SFMBT2: variants seen among roughly 807,000 people sequenced by gnomAD.
SFMBT2 encodes the protein scm-like with four MBT domains protein 2.
A neutral mutation model predicts 110.1 loss-of-function variants in SFMBT2; 38 were observed. That is an observed-to-expected ratio of 0.35 (90% CI 0.27 to 0.45). The LOEUF is 0.45. SFMBT2 is among the 20% of genes least tolerant of loss of function. The pLI, the probability that SFMBT2 is intolerant of heterozygous loss-of-function variation, is 1.00. For synonymous variants in SFMBT2, 425 were observed against 425.4 expected (o/e 1.00, Z 0.01); for missense variants, 1,011 against 1,094.9 (o/e 0.92, Z 1.08).
In SFMBT2 at chr10:7,234,086, T is replaced by C. The variant is rs145331901; in HGVS notation, c.1121-6149A>G. ...AACCTCCCTCTTGAAATCTTCTAGC[T>C]ACCTCCACAGTCTTGGGTGATGTTC... is the stretch of plus-strand genomic sequence containing the variant. On this transcript the variant is annotated intron_variant, in intron 9 of 20. Coordinates refer to ENST00000397167, the MANE Select transcript of SFMBT2 (RefSeq NM_001387889.1). Among the ~76,000 whole-genome samples, 145 of 152,362 alleles carry C rather than the reference T, an allele frequency of 9.5e-4. 1 individual carries two copies. The Middle Eastern group carries it at 0.014, about 14-fold the overall frequency.
At chr10:7,393,027 AT>A (rs1845822630) in intron 1 of SFMBT2, among the ~76,000 whole-genome samples, 80 of 52,470 alleles carry the variant, frequency 1.5e-3, no homozygotes, top group African/African-American at 8.8e-3. Context: ...ATATATATAT[AT>A]ATATATAATT....
chr10:7,364,197 T>G (rs923142331), intron 4 of SFMBT2, among the ~76,000 whole-genome samples: 5 of 152,246 alleles, frequency 3.3e-5, no homozygotes, highest in African/African-American at 1.2e-4. Context: ...TATTAAAGAT[T>G]TCCAAGTCAT....
intron 1 of SFMBT2, among the ~76,000 whole-genome samples, chr10:7,385,799 A>AGC: frequency 6.6e-6 from 1 of 152,200 alleles, no homozygotes; most frequent in East Asian, 1.9e-4. Context: ...GGAGATCAAG[A>AGC]CCATCCTGGC....
chr10:7,332,597 G>T lies in SFMBT2; in HGVS notation c.436+35052C>A, dbSNP rs190462248. Among the ~76,000 whole-genome samples, 7 of 152,202 alleles carry T rather than the reference G, an allele frequency of 4.6e-5. No individual in the cohort carries two copies. The East Asian group carries it at 1.3e-3, about 29-fold the overall frequency. On this transcript the variant is annotated intron_variant, in intron 4 of 20. Transcript: ENST00000397167. ...CCTCCCCGACCCAGCTTATAAAAAT[G>T]CTTTTTATTAAAACAAGCCAAAGTG...
chr10:7,395,769 G>A (rs1414925481), intron 1 of SFMBT2, among the ~76,000 whole-genome samples: 1 of 147,678 alleles, frequency 6.8e-6, no homozygotes, highest in African/African-American at 2.5e-5. Context: ...TTATGTGGAT[G>A]TAAAATTTTC....
intron 4 of SFMBT2, among the ~76,000 whole-genome samples, chr10:7,363,982 T>G (rs528175123): frequency 1.3e-5 from 2 of 152,156 alleles, no homozygotes; most frequent in South Asian, 4.2e-4. Context: ...ATCGACCAGG[T>G]ATGGTTGCAG....
rs542313498 is a variant in SFMBT2, at chr10:7,351,878, A to T, written c.436+15771T>A. ...TTAAAGCCTCTTACCTGTAAAAAAA[A>T]AAATATATATATATATATCTGATGA... On this transcript the variant is annotated intron_variant, in intron 4 of 20. Transcript: ENST00000397167. Among the ~76,000 whole-genome samples, 972 of 149,238 alleles carry T rather than the reference A, an allele frequency of 6.5e-3. 10 individuals carry two copies. Among genetic ancestry groups the T allele is most frequent in the African/African-American group, 0.023 (928 of 39,712 alleles).
At position 7,172,780 on chromosome 10, in the gene SFMBT2, G is replaced by A. The variant is rs79517215; in HGVS notation, c.1985-119C>T. 3.9e-3 allele frequency: 4,908 copies of A among 1,266,084 alleles called. 166 individuals carry two copies. The African/African-American group carries it at 0.067, about 17-fold the overall frequency. The allele number at this position is 1,266,084 out of a possible 1,614,324, so 78.4% of individuals were successfully genotyped here. A position where few individuals can be genotyped will look rare whatever the true frequency, so the allele number is the denominator to read the frequency against. ...ATCTGATAGTTCATTTGTGCCTTACGAAGTCATTCTGAGAAAACAGACCCA... is the reference window on the plus strand; with the variant it reads ...ATCTGATAGTTCATTTGTGCCTTACAAAGTCATTCTGAGAAAACAGACCCA... On this transcript the variant is annotated intron_variant, in intron 17 of 20. Transcript: ENST00000397167. This position sits in a 1 kb window ranked among gnomAD's most constrained non-coding sequence, Gnocchi z 4.6.
intron 2 of SFMBT2, among the ~76,000 whole-genome samples, chr10:7,376,592 C>T (rs529241260): frequency 2.7e-5 from 4 of 147,112 alleles, no homozygotes; most frequent in South Asian, 2.2e-4. Flanking sequence ...CCAGCTACTG[C>T]GGAGGCTGAG....
chr10:7,206,045 A>G (rs1839126799), intron 11 of SFMBT2, 117 bp from the exon 12 acceptor site: 4 of 976,440 alleles, frequency 4.1e-6, no homozygotes, highest in Admixed American at 3.8e-5. Context: ...TATACATTAA[A>G]AAACAAAAAC....
intron 4 of SFMBT2, among the ~76,000 whole-genome samples, chr10:7,333,748 G>A (rs1390005251): frequency 1.1e-5 from 1 of 87,150 alleles, no homozygotes; most frequent in African/African-American, 4.4e-5. Context: ...CCAACACCCC[G>A]CAAGGCCTCC....
intron 2 of SFMBT2, among the ~76,000 whole-genome samples, chr10:7,375,789 AC>A (rs1845188319): frequency 6.6e-6 from 1 of 150,986 alleles, no homozygotes; most frequent in Admixed American, 6.6e-5. Context: ...ACACACACAC[AC>A]ACACACACAC....
At chr10:7,344,184 G>A (rs187872441) in intron 4 of SFMBT2, among the ~76,000 whole-genome samples, 201 of 152,280 alleles carry the variant, frequency 1.3e-3, no homozygotes, top group Non-Finnish European at 2.2e-3. Flanking sequence ...TAACACTGAA[G>A]TATTAGGCAT....
chr10:7,248,690 G>A (rs764084465), intron 7 of SFMBT2, 41 bp from the exon 8 acceptor site: 71 of 1,577,958 alleles, frequency 4.5e-5, no homozygotes, highest in Non-Finnish European at 5.9e-5. Flanking sequence ...CCACGGTATT[G>A]TAAATGACCT....
At chr10:7,250,279 C>G (rs1310376065) in intron 7 of SFMBT2, among the ~76,000 whole-genome samples, 1 of 152,142 alleles carries the variant, frequency 6.6e-6, no homozygotes, top group East Asian at 1.9e-4. Context: ...CTACTGGTCC[C>G]ATGTTTACAT....
chr10:7,355,414 T>C (rs913584504), intron 4 of SFMBT2, among the ~76,000 whole-genome samples: 1 of 152,230 alleles, frequency 6.6e-6, no homozygotes, highest in Non-Finnish European at 1.5e-5. Flanking sequence ...ATTCACTCAG[T>C]TGCCAATGTA....
chr10:7,389,053 A>G (rs1022855235), intron 1 of SFMBT2, among the ~76,000 whole-genome samples: 10 of 152,222 alleles, frequency 6.6e-5, no homozygotes, highest in African/African-American at 2.4e-4. Flanking sequence ...AATTATGTTA[A>G]CAAAATGCAA....
At chr10:7,372,300 T>A (rs894192484) in intron 2 of SFMBT2, among the ~76,000 whole-genome samples, 8 of 152,226 alleles carry the variant, frequency 5.3e-5, no homozygotes, top group Non-Finnish European at 1.0e-4. Flanking sequence ...GGGAAGAGGA[T>A]CATTTTTGTA....
intron 9 of SFMBT2, among the ~76,000 whole-genome samples, chr10:7,242,581 G>C (rs2131716799): frequency 6.6e-6 from 1 of 152,316 alleles, no homozygotes; most frequent in South Asian, 2.1e-4. Flanking sequence ...TTAACCCAAA[G>C]AGTTGAAAGC....
Sources: gnomAD v4.1 joint callset for allele counts (sites outside exome capture counted in the v4.1 genomes callset) on GRCh38, gnomAD v4.1.1 for gene constraint, Gnocchi (gnomAD v3.1) non-coding constraint, MANE v1.5 for transcripts, NCBI Gene and HGNC (gene_info 2026-07-23, HGNC 2026-07-21) for gene names.